C22orf42: variants seen among roughly 807,000 people sequenced by gnomAD.
C22orf42 encodes the protein uncharacterized protein C22orf42.
A neutral mutation model predicts 31.4 loss-of-function variants in C22orf42; 24 were observed. The observed-to-expected ratio is 0.77, with a 90% CI of 0.55 to 1.08. The LOEUF (loss-of-function observed/expected upper bound fraction) is 1.08. Ranked by LOEUF, C22orf42 falls within the 50% of genes least tolerant of loss-of-function variation. The pLI is 0.00. For synonymous variants in C22orf42, 96 were observed against 112.7 expected (o/e 0.85, Z 0.94); for missense variants, 276 against 327.3 (o/e 0.84, Z 1.21).
chr22:32,149,659 A>T, intron 8 of C22orf42, 46 bp from the exon 9 acceptor site: 1 of 1,261,164 alleles, frequency 7.9e-7, no homozygotes, highest in Non-Finnish European at 1.0e-6. Context: ...AAATATATAT[A>T]TATATATATC....
At chr22:32,160,244 A>T (rs1241315668), upstream of C22orf42, 1 of 152,210 alleles carries the variant, frequency 6.6e-6, no homozygotes, top group Non-Finnish European at 1.5e-5. Context: ...GCCGATCATG[A>T]TTATCAGAAA....
upstream of C22orf42, chr22:32,159,574 A>C: frequency 1.2e-6 from 1 of 825,292 alleles, no homozygotes; most frequent in Non-Finnish European, 1.5e-6. Context: ...ACCCTGGGCA[A>C]TGAACTCAAT....
rs544032029 is a variant in C22orf42 at position 32,149,656 on chromosome 22, T to C, written c.683-43A>G. 6 of 1,080,924 alleles carry C rather than the reference T, an allele frequency of 5.6e-6. No individual in the cohort carries two copies. The South Asian group carries it at 1.5e-4, about 26-fold the overall frequency. The allele number at this position is 1,080,924 out of a possible 1,614,324, so 67.0% of individuals were successfully genotyped here. ...GACTTCATCTCAAAAAAAAAATATA[T>C]ATATATATATATCTACATATATGTA... On this transcript the variant is annotated intron_variant, in intron 8 of 8. Transcript: ENST00000382097.
chr22:32,156,527 AC>A (rs1019772298), intron 1 of C22orf42, among the ~76,000 whole-genome samples: 3 of 136,940 alleles, frequency 2.2e-5, no homozygotes, highest in Non-Finnish European at 4.6e-5. Flanking sequence ...GAAAACAGTC[AC>A]AGGTCAGCAT....
At position 32,152,076 on chromosome 22, in the gene C22orf42, G is replaced by C. The variant is rs1196705611; in HGVS notation, c.391C>G (p.His131Asp). The change falls in exon 4 of 9, where the codon CAC (histidine) becomes GAC (aspartate). Residue 131 changes from histidine to aspartate, a missense_variant. His to Asp is a moderately conservative substitution (Grantham distance 81). Transcript: ENST00000382097. ...TSDIEIPEAK[H>D]DHRPTEDVQV... ...AAAAAAAAATACGTACGGTGGTCGT[G>C]CTTGGCCTCAGGTATTTCCTGCAAT... The C allele has an allele frequency of 6.2e-7, 1 of 1,605,990 alleles. No individual in the cohort carries two copies. The highest frequency in any genetic ancestry group is 8.5e-7 in the Non-Finnish European group (1 of 1,177,852).
At position 32,149,615 on chromosome 22, in the gene C22orf42, T is replaced by C; in HGVS notation, c.683-2A>G. 6.7e-7 allele frequency: 1 copy of C among 1,486,314 alleles called. No individual in the cohort carries two copies. Among genetic ancestry groups the C allele is most frequent in the Non-Finnish European group, 9.0e-7 (1 of 1,109,908 alleles). The allele number at this position is 1,486,314 out of a possible 1,614,324, so 92.1% of individuals were successfully genotyped here. Reference sequence around the variant, plus strand: ...GAGACCGTGCCATCTTAACCCAGCCTAGGGGAAAAGAACAAGACTTCATCT... The same window carrying C: ...GAGACCGTGCCATCTTAACCCAGCCCAGGGGAAAAGAACAAGACTTCATCT... On this transcript the variant is annotated splice_acceptor_variant, in intron 8 of 8. Transcript: ENST00000382097. LOFTEE classifies it high-confidence loss of function.
Position 32,152,727 on chromosome 22 carries a change from G to T in C22orf42, c.308-101C>A, listed in dbSNP as rs972254158. The T allele has an allele frequency of 2.6e-6, 3 of 1,140,458 alleles. No homozygotes were observed. The African/African-American group carries it at 4.6e-5, about 18-fold the overall frequency. 70.6% of individuals were successfully genotyped at this position (1,140,458 alleles called of 1,614,324 possible). ...CCGGGGCTGGAGTATGTGGAGGTGG[G>T]CGGTTGACAGGCATGGACTGAGCTG... is the stretch of plus-strand genomic sequence containing the variant. On this transcript the variant is annotated intron_variant, in intron 2 of 8. Coordinates refer to ENST00000382097, the MANE Select transcript of C22orf42 (RefSeq NM_001010859.3).
rs8140700 is a variant in C22orf42, at chr22:32,149,973, G to A, written c.655-193C>T. On this transcript the variant is annotated intron_variant, in intron 7 of 8. Coordinates refer to ENST00000382097, the MANE Select transcript of C22orf42 (RefSeq NM_001010859.3). ...TTCATGGAATATTTAGTAAGTCCAT[G>A]TTGGCTGGCAAACACAAAATTATTT... The A allele has an allele frequency of 7.9e-6, 4 of 508,034 alleles. No individual in the cohort carries two copies. In the East Asian group the frequency reaches 1.2e-4, roughly 16 times the overall value. The allele number at this position is 508,034 out of a possible 1,614,324, so 31.5% of individuals were successfully genotyped here.
upstream of C22orf42, among the ~76,000 whole-genome samples, chr22:32,159,710 C>T (rs1002603001): frequency 2.0e-5 from 3 of 152,216 alleles, no homozygotes. Flanking sequence ...AAATGCTTCT[C>T]TCCTGTCTTA....
At position 32,151,531 on chromosome 22, in the gene C22orf42, C is replaced by G. The variant is rs761272320; in HGVS notation, c.421G>C (p.Val141Leu). 2.5e-6 allele frequency: 4 copies of G among 1,613,634 alleles called. No homozygotes were observed. Among genetic ancestry groups the G allele is most frequent in the Non-Finnish European group, 3.4e-6 (4 of 1,179,652 alleles). Reference sequence around the variant, plus strand: ...TCCTCCACACCGCCGTGTGCAGACACCTGCACATCTTCAGTGGGACCTAGG... The same window carrying G: ...TCCTCCACACCGCCGTGTGCAGACAGCTGCACATCTTCAGTGGGACCTAGG... ...HDHRPTEDVQ[V>L]SAHGGVEENI... is the part of the protein sequence containing the mutation. The change falls in exon 5 of 9, where the codon GTG (valine) becomes CTG (leucine). Residue 141 changes from valine (V) to leucine (L), a missense_variant. Physicochemically the swap from Val to Leu is conservative, Grantham distance 32 (BLOSUM62 1). Transcript: ENST00000382097.
intron 2 of C22orf42, among the ~76,000 whole-genome samples, chr22:32,153,408 T>C (rs1921076120): frequency 6.6e-6 from 1 of 152,128 alleles, no homozygotes; most frequent in Admixed American, 6.5e-5. Context: ...AATCAAAAAA[T>C]AGTAAATAAT....
intron 3 of C22orf42, among the ~76,000 whole-genome samples, 169 bp downstream of exon 3, chr22:32,152,393 A>C (rs1921011380): frequency 6.6e-6 from 1 of 152,216 alleles, no homozygotes. Context: ...TTTGACGGCC[A>C]TCGTCAATCA....
intron 5 of C22orf42, 36 bp from the exon 6 acceptor site, chr22:32,151,055 G>A: frequency 6.2e-7 from 1 of 1,607,546 alleles, no homozygotes; most frequent in Non-Finnish European, 8.5e-7. Context: ...ACACCATGAG[G>A]ATCAGATCTT....
rs752315321 is a variant in C22orf42, at chr22:32,152,636, C to A, written c.308-10G>T. The A allele has an allele frequency of 1.2e-6, 2 of 1,613,452 alleles. No homozygotes were observed. Among genetic ancestry groups the A allele is most frequent in the Non-Finnish European group, 1.7e-6 (2 of 1,179,408 alleles). Reference sequence around the variant, plus strand: ...ACATCTTCAGTGGGACCTAGGAGAACACAGAGTGACAGTCAGTGCATTGGT... The same window carrying A: ...ACATCTTCAGTGGGACCTAGGAGAAAACAGAGTGACAGTCAGTGCATTGGT... On this transcript the variant is annotated splice_polypyrimidine_tract_variant and intron_variant, in intron 2 of 8. Coordinates refer to ENST00000382097, the MANE Select transcript of C22orf42 (RefSeq NM_001010859.3).
At chr22:32,152,005 G>T in intron 4 of C22orf42, 62 bp downstream of exon 4, 2 of 1,476,502 alleles carry the variant, frequency 1.4e-6, no homozygotes, top group Non-Finnish European at 1.9e-6. Flanking sequence ...TACGTTAAAT[G>T]AGTGAATTGT....
intron 3 of C22orf42, among the ~76,000 whole-genome samples, chr22:32,152,321 G>A (rs1352854480): frequency 6.6e-6 from 1 of 152,114 alleles, no homozygotes; most frequent in East Asian, 1.9e-4. Context: ...TATTTTTCAA[G>A]GAGAAAAGGT....
chr22:32,153,999 G>A (rs191420163), intron 2 of C22orf42, among the ~76,000 whole-genome samples: 41 of 150,320 alleles, frequency 2.7e-4, no homozygotes, highest in African/African-American at 6.2e-4. Flanking sequence ...ACTCCTGGGC[G>A]ACAAATGAGA....
intron 1 of C22orf42, among the ~76,000 whole-genome samples, chr22:32,158,724 C>T (rs187232535): frequency 4.3e-4 from 65 of 152,130 alleles, no homozygotes; most frequent in African/African-American, 1.5e-3. Flanking sequence ...GGGATGGGGA[C>T]TCCAAAACTG....
upstream of C22orf42, chr22:32,159,513 G>T: frequency 8.0e-7 from 1 of 1,257,498 alleles, no homozygotes; most frequent in Non-Finnish European, 1.0e-6. Context: ...GGCTGCCTGA[G>T]CTTTCCAGTC....
Sources: allele counts gnomAD v4.1 joint callset (sites outside exome capture counted in the v4.1 genomes callset), GRCh38; gene constraint gnomAD v4.1.1; transcripts MANE v1.5; gene names NCBI Gene and HGNC (gene_info 2026-07-23, HGNC 2026-07-21).